USP37: variants seen among roughly 807,000 people sequenced by gnomAD.
USP37 encodes ubiquitin specific peptidase 37.
Under a neutral mutation model 124.0 loss-of-function variants are expected in USP37, and 27 were observed. That is an observed-to-expected ratio of 0.22 (90% confidence interval 0.16 to 0.30). USP37 has a LOEUF of 0.30. Ranked by LOEUF, USP37 falls within the 10% of genes least tolerant of loss-of-function variation. The probability of loss-of-function intolerance (pLI) is 1.00; values close to 1 mark genes in which losing one functional copy is unlikely to be tolerated. For synonymous variants in USP37, 365 were observed against 388.0 expected, an observed-to-expected ratio of 0.94 and a Z score of 0.70; for missense variants, 889 against 1,140.4, an observed-to-expected ratio of 0.78 and a Z score of 3.17.
Position 218,553,724 on chromosome 2 carries a change from G to A in USP37, c.157C>T (p.Leu53=), listed in dbSNP as rs749207792. 2.5e-6 allele frequency: 4 copies of A among 1,602,160 alleles called. No individual in the cohort carries two copies. Among genetic ancestry groups the A allele is most frequent in the Non-Finnish European group, 1.7e-6 (2 of 1,173,576 alleles). Residue 53 remains leucine, a splice_region_variant and synonymous_variant, in exon 5 of 26, where the codon CTA becomes TTA. Transcript: ENST00000258399. The part of the protein sequence containing the change: ...NTGGIPRIFQ[L]SHNIKNVVLR... ...ACCACATTTTTAATGTTATGACTTA[G>A]CTAATCAAGACAAAAGGAAAATTAT...
intron 10 of USP37, among the ~76,000 whole-genome samples, chr2:218,523,042 G>A (rs1389485279): frequency 6.6e-6 from 1 of 151,720 alleles, no homozygotes; most frequent in South Asian, 2.1e-4. Context: ...TTGGGAGGCC[G>A]AGACGGGTGG....
intron 8 of USP37, among the ~76,000 whole-genome samples, chr2:218,544,894 G>A (rs1559221090): frequency 6.6e-6 from 1 of 152,214 alleles, no homozygotes; most frequent in Non-Finnish European, 1.5e-5. Flanking sequence ...AGTGGGGAAT[G>A]CAAATTAACA....
intron 10 of USP37, among the ~76,000 whole-genome samples, chr2:218,524,944 C>A (rs1251612727): frequency 6.6e-6 from 1 of 152,076 alleles, no homozygotes; most frequent in Non-Finnish European, 1.5e-5. Context: ...GTGGTTATGT[C>A]TCAAAAGGGA....
chr2:218,499,603 AC>A (rs1302542844), intron 11 of USP37, among the ~76,000 whole-genome samples: 1 of 152,176 alleles, frequency 6.6e-6, no homozygotes, highest in African/African-American at 2.4e-5. Flanking sequence ...AATTTTGTCA[AC>A]AGATCCAAGA....
intron 14 of USP37, among the ~76,000 whole-genome samples, chr2:218,493,979 T>C (rs1688938401): frequency 6.6e-6 from 1 of 152,252 alleles, no homozygotes; most frequent in Non-Finnish European, 1.5e-5. Context: ...ACAAATTTTG[T>C]CTGGAAGGTG....
chr2:218,551,913 C>T (rs907964596), intron 5 of USP37, among the ~76,000 whole-genome samples: 10 of 152,204 alleles, frequency 6.6e-5, no homozygotes, highest in African/African-American at 2.4e-4. Context: ...CTGCCTCAGC[C>T]TCCCAAGTAG....
At position 218,454,194 on chromosome 2, in the gene USP37, A is replaced by C. The variant is rs898621817; in HGVS notation, c.*736T>G. ...AAAACAAAGTATATAAGAAATATCA[A>C]ATGTGGGACTGTAACATATTCCAAA... On this transcript the variant is annotated 3_prime_UTR_variant, in exon 26 of 26. Coordinates refer to ENST00000258399, the MANE Select transcript of USP37 (RefSeq NM_020935.3). 1 of 152,662 alleles carries C rather than the reference A, an allele frequency of 6.6e-6. No homozygotes were observed. The highest frequency in any genetic ancestry group is 1.5e-5 in the Non-Finnish European group (1 of 68,040). The allele number at this position is 152,662 out of a possible 1,614,324, so 9.5% of individuals were successfully genotyped here.
chr2:218,502,366 A>C (rs1234175614), intron 11 of USP37, among the ~76,000 whole-genome samples: 1 of 152,192 alleles, frequency 6.6e-6, no homozygotes, highest in African/African-American at 2.4e-5. Flanking sequence ...CATATTAGAC[A>C]CTGTAGAAGG....
chr2:218,546,799 T>C, intron 7 of USP37, 120 bp downstream of exon 7: 1 of 1,105,770 alleles, frequency 9.0e-7, no homozygotes, highest in Non-Finnish European at 1.3e-6. Context: ...ATACTTGTAA[T>C]CATTACATCT....
chr2:218,466,075 C>G lies in USP37; in HGVS notation c.2401G>C (p.Asp801His), dbSNP rs778951270. The change falls in exon 21 of 26, where the codon GAT becomes CAT. Residue 801 changes from aspartate (D) to histidine (H), a missense_variant. Transcript: ENST00000258399. Reference sequence around the variant, plus strand: ...TGCTCTTCCCTTTCACGCTCCATATCATACTGCTGGAGCCAATCAACTTCT... The same window carrying G: ...TGCTCTTCCCTTTCACGCTCCATATGATACTGCTGGAGCCAATCAACTTCT... ...QGEVDWLQQY[D>H]MEREREEQEL... 4 of 1,614,014 alleles carry G rather than the reference C, an allele frequency of 2.5e-6. No homozygotes were observed. The highest frequency in any genetic ancestry group is 2.7e-5 in the African/African-American group (2 of 75,030).
chr2:218,542,234 C>A (rs1313005219), intron 8 of USP37, among the ~76,000 whole-genome samples: 2 of 152,154 alleles, frequency 1.3e-5, no homozygotes, highest in Non-Finnish European at 2.9e-5. Context: ...GTATATTCAT[C>A]TAGGTCAGCT....
At chr2:218,525,746 G>A (rs1193367313) in intron 10 of USP37, among the ~76,000 whole-genome samples, 1 of 152,070 alleles carries the variant, frequency 6.6e-6, no homozygotes, top group Non-Finnish European at 1.5e-5. Context: ...TGCTGCATAG[G>A]TAAACTCGTG....
chr2:218,522,468 C>T (rs1335010353), intron 10 of USP37, among the ~76,000 whole-genome samples: 5 of 147,596 alleles, frequency 3.4e-5, no homozygotes, highest in African/African-American at 1.0e-4. Context: ...CAGGCTGAGG[C>T]AGGAGGATTG....
intron 10 of USP37, among the ~76,000 whole-genome samples, chr2:218,518,201 A>G (rs114304793): frequency 0.012 from 1,884 of 152,266 alleles, 46 homozygotes; most frequent in African/African-American, 0.043. Flanking sequence ...TGGAAAAAAA[A>G]TCCAAAACAG....
At chr2:218,525,701 GTT>G (rs1350667053) in intron 10 of USP37, among the ~76,000 whole-genome samples, 1 of 151,952 alleles carries the variant, frequency 6.6e-6, no homozygotes, top group African/African-American at 2.4e-5. Context: ...TTTTTTCTAA[GTT>G]TTATTTTAAG....
At position 218,466,025 on chromosome 2, in the gene USP37, C is replaced by T. The variant is rs201999810; in HGVS notation, c.2451G>A (p.Gln817=). The part of the protein sequence containing the change: ...EEQELQQALA[Q]SLQEQEAWEQ... ...TATCTCTTACTTGCTCTTGAAGGCT[C>T]TGAGCCAGTGCCTGCTGAAGCTCTT... is the stretch of plus-strand genomic sequence containing the variant. The change falls in exon 21 of 26, where the codon CAG becomes CAA. Residue 817 remains glutamine, a synonymous_variant. Coordinates refer to ENST00000258399, the MANE Select transcript of USP37 (RefSeq NM_020935.3). The T allele has an allele frequency of 2.5e-6, 4 of 1,610,590 alleles. No homozygotes were observed. In the East Asian group the frequency reaches 8.9e-5, roughly 36 times the overall value.
At chr2:218,460,189 C>G (rs183004394) in intron 22 of USP37, among the ~76,000 whole-genome samples, 314 of 149,780 alleles carry the variant, frequency 2.1e-3, no homozygotes, top group Non-Finnish European at 3.2e-3. Context: ...ACCCAGGAGG[C>G]AGAGATTGCA....
At chr2:218,532,799 G>A (rs1477532785) in intron 9 of USP37, among the ~76,000 whole-genome samples, 3 of 151,740 alleles carry the variant, frequency 2.0e-5, no homozygotes, top group African/African-American at 7.3e-5. Flanking sequence ...GCATGGTGGT[G>A]TGCACCTGTA....
intron 20 of USP37, among the ~76,000 whole-genome samples, chr2:218,469,452 C>T (rs1690550555): frequency 6.6e-6 from 1 of 152,144 alleles, no homozygotes; most frequent in African/African-American, 2.4e-5. Flanking sequence ...GGAAGGAAGA[C>T]TTGGGGGTTG....
Sources: gnomAD v4.1 joint callset for allele counts (sites outside exome capture counted in the v4.1 genomes callset) on GRCh38, gnomAD v4.1.1 for gene constraint, MANE v1.5 for transcripts, NCBI Gene and HGNC (gene_info 2026-07-23, HGNC 2026-07-21) for gene names.